NUP62CL: variants seen among roughly 807,000 people sequenced by gnomAD.
NUP62CL encodes nucleoporin 62 C-terminal like.
In NUP62CL, 13 loss-of-function variants were observed where a neutral mutation model predicts 15.3. The observed-to-expected ratio is 0.85, with a 90% CI of 0.55 to 1.35. NUP62CL has a LOEUF of 1.35. Among genes scored for constraint, NUP62CL ranks in the 40% most tolerant of loss-of-function variants. NUP62CL has a pLI of 0.00. For missense variants in NUP62CL, 123 were observed against 130.6 expected, an observed-to-expected ratio of 0.94 and a Z score of 0.28; for synonymous variants, 54 against 49.2, an observed-to-expected ratio of 1.10 and a Z score of -0.41.
chrX:107,131,732 G>T (rs1311785186), intron 8 of NUP62CL: 20 of 842,329 alleles, frequency 2.4e-5, no homozygotes, highest in Non-Finnish European at 3.6e-5. Context: ...TATTGATTCA[G>T]ACTTTCTCTC....
chrX:107,154,662 G>C (rs1050722987), intron 4 of NUP62CL, among the ~76,000 whole-genome samples: 1 of 111,271 alleles, frequency 9.0e-6, no homozygotes, highest in Non-Finnish European at 1.9e-5. Context: ...ATCCACAAGA[G>C]AGTGGGCATT....
chrX:107,134,563 C>T (rs963694022), intron 8 of NUP62CL, among the ~76,000 whole-genome samples: 5 of 111,514 alleles, frequency 4.5e-5, no homozygotes, highest in African/African-American at 1.6e-4. Flanking sequence ...AAGCCATCCT[C>T]CCACCTCAGC....
At chrX:107,183,099 G>A (rs1391204021) in intron 2 of NUP62CL, among the ~76,000 whole-genome samples, 7 of 111,557 alleles carry the variant, frequency 6.3e-5, no homozygotes, top group South Asian at 3.9e-4. Flanking sequence ...AGGCCGAGAC[G>A]GGACAATCAC....
chrX:107,201,733 G>A (rs1927489257), intron 1 of NUP62CL, among the ~76,000 whole-genome samples: 1 of 109,385 alleles, frequency 9.1e-6, no homozygotes, highest in African/African-American at 3.3e-5. Context: ...TTCAAGAACG[G>A]CCTGAGCAAC....
intron 8 of NUP62CL, among the ~76,000 whole-genome samples, chrX:107,137,575 T>C (rs1925671226): frequency 8.9e-6 from 1 of 111,929 alleles, no homozygotes; most frequent in Admixed American, 9.5e-5. Context: ...ACAAAAATTG[T>C]GTTGATTTTA....
chrX:107,131,657 G>A (rs6523923), intron 8 of NUP62CL: 2 of 598,092 alleles, frequency 3.3e-6, no homozygotes, highest in Non-Finnish European at 5.7e-6. Context: ...CGACTAGCGG[G>A]ATCTGGAGGA....
chrX:107,130,890 G>A (rs1925497558), intron 8 of NUP62CL, among the ~76,000 whole-genome samples: 1 of 111,483 alleles, frequency 9.0e-6, no homozygotes, highest in Admixed American at 9.5e-5. Flanking sequence ...TGATTTATGT[G>A]AAATTTATAA....
At chrX:107,156,784 G>A (rs1926207596) in intron 4 of NUP62CL, among the ~76,000 whole-genome samples, 1 of 107,919 alleles carries the variant, frequency 9.3e-6, no homozygotes, top group Non-Finnish European at 1.9e-5. Flanking sequence ...GATGGAGAAT[G>A]ATTTTGACGA....
chrX:107,165,346 A>G (rs1926493412), intron 4 of NUP62CL, among the ~76,000 whole-genome samples: 1 of 109,706 alleles, frequency 9.1e-6, no homozygotes, highest in Non-Finnish European at 1.9e-5. Context: ...ATAAATAAAT[A>G]CCCCTTTAAA....
intron 1 of NUP62CL, among the ~76,000 whole-genome samples, chrX:107,204,940 A>G (rs1360115051): frequency 9.4e-6 from 1 of 106,807 alleles, no homozygotes; most frequent in Non-Finnish European, 1.9e-5. Flanking sequence ...ATAAATTTTA[A>G]ATAAATTATT....
At chrX:107,151,159 A>C (rs1395552609) in intron 7 of NUP62CL, among the ~76,000 whole-genome samples, 1 of 111,332 alleles carries the variant, frequency 9.0e-6, no homozygotes, top group Non-Finnish European at 1.9e-5. Flanking sequence ...CCATGTTCTA[A>C]AAAGACTCCA....
At chrX:107,133,923 G>A (rs976646620) in intron 8 of NUP62CL, among the ~76,000 whole-genome samples, 4 of 111,894 alleles carry the variant, frequency 3.6e-5, no homozygotes, top group Non-Finnish European at 5.6e-5. Flanking sequence ...GGGCGACAGA[G>A]CGAGACTCCA....
At chrX:107,192,285 G>A (rs1217262500) in intron 2 of NUP62CL, among the ~76,000 whole-genome samples, 1 of 112,380 alleles carries the variant, frequency 8.9e-6, no homozygotes, top group African/African-American at 3.2e-5. Context: ...ATAAAATGAA[G>A]GGAGTCCACA....
At chrX:107,192,473 G>C (rs895120206) in intron 2 of NUP62CL, among the ~76,000 whole-genome samples, 2 of 111,489 alleles carry the variant, frequency 1.8e-5, no homozygotes, top group Non-Finnish European at 3.8e-5. Context: ...TCGACCTCCC[G>C]GGCTCAGGCA....
intron 2 of NUP62CL, among the ~76,000 whole-genome samples, chrX:107,184,330 A>C (rs1926998150): frequency 9.3e-6 from 1 of 107,118 alleles, no homozygotes; most frequent in Non-Finnish European, 1.9e-5. Flanking sequence ...AAAGAAAGAA[A>C]GAAAGAAAGA....
At chrX:107,184,661 G>C (rs1279441341) in intron 2 of NUP62CL, among the ~76,000 whole-genome samples, 2 of 111,600 alleles carry the variant, frequency 1.8e-5, no homozygotes, top group Non-Finnish European at 3.8e-5. Flanking sequence ...GCGCTAAAAA[G>C]TAAATAATAG....
chrX:107,152,639 A>G (rs1174345615), intron 7 of NUP62CL, among the ~76,000 whole-genome samples: 1 of 111,990 alleles, frequency 8.9e-6, no homozygotes, highest in Non-Finnish European at 1.9e-5. Context: ...CAGAAGGTAA[A>G]GACTGAAGAG....
chrX:107,136,858 G>T, intron 8 of NUP62CL, among the ~76,000 whole-genome samples: 1 of 111,831 alleles, frequency 8.9e-6, no homozygotes, highest in Non-Finnish European at 1.9e-5. Flanking sequence ...CCAGATGTCA[G>T]GAGTTCGAGA....
intron 4 of NUP62CL, among the ~76,000 whole-genome samples, chrX:107,157,342 T>G: frequency 9.3e-6 from 1 of 107,515 alleles, no homozygotes; most frequent in East Asian, 3.0e-4. Context: ...TCACCAAAGT[T>G]GAAATGAAGG....
Sources: allele counts gnomAD v4.1 joint callset (sites outside exome capture counted in the v4.1 genomes callset), GRCh38; gene constraint gnomAD v4.1.1; transcripts MANE v1.5; gene names NCBI Gene and HGNC (gene_info 2026-07-23, HGNC 2026-07-21).